GREM2: variants seen among roughly 807,000 people sequenced by gnomAD.
The protein encoded by GREM2 is gremlin 2, DAN family BMP antagonist.
In GREM2, 11 loss-of-function variants were observed where a neutral mutation model predicts 14.2. The ratio of observed to expected loss-of-function variants is 0.78; its 90% CI spans 0.49 to 1.28. The LOEUF (loss-of-function observed/expected upper bound fraction) is 1.28, where lower values mean the gene tolerates loss of function less well. GREM2 is among the 50% of genes most tolerant of loss of function. The pLI is 0.00. For missense variants in GREM2, 210 were observed against 218.5 expected, an observed-to-expected ratio of 0.96 and a Z score of 0.24; for synonymous variants, 98 against 97.6, an observed-to-expected ratio of 1.00 and a Z score of -0.02.
At position 240,542,213 on chromosome 1, in the gene GREM2, G is replaced by T. The variant is rs1035763420; in HGVS notation, c.-1-48737C>A. Among the ~76,000 whole-genome samples, 1 of 152,040 alleles carries T rather than the reference G, an allele frequency of 6.6e-6. No homozygotes were observed. Among genetic ancestry groups the T allele is most frequent in the Non-Finnish European group, 1.5e-5 (1 of 68,028 alleles). On this transcript the variant is annotated intron_variant, in intron 1 of 1. Transcript: ENST00000318160. The surrounding 1 kb of genome is among the most constrained non-coding windows in gnomAD (Gnocchi z 4.1). ...ACAGCATCAATATTGAGAAACCATA[G>T]ATTAGATGTGCTACCTGATCACATC...
chr1:240,589,457 A>G (rs1240454254), intron 1 of GREM2, among the ~76,000 whole-genome samples: 2 of 150,386 alleles, frequency 1.3e-5, no homozygotes, highest in South Asian at 2.1e-4. Context: ...AAAAAAAAAG[A>G]AAAAAAAGAA....
intron 1 of GREM2, among the ~76,000 whole-genome samples, chr1:240,577,883 T>C (rs913326903): frequency 3.3e-5 from 5 of 152,202 alleles, no homozygotes; most frequent in Non-Finnish European, 7.3e-5. Flanking sequence ...TTCTGGATAA[T>C]TGAACTACAT....
chr1:240,564,899 G>A (rs1679146246), intron 1 of GREM2, among the ~76,000 whole-genome samples: 1 of 152,214 alleles, frequency 6.6e-6, no homozygotes, highest in South Asian at 2.1e-4. Context: ...TGAGTATGAT[G>A]TATTGATGTG....
chr1:240,547,400 T>C (rs1481992268), intron 1 of GREM2, among the ~76,000 whole-genome samples: 1 of 150,350 alleles, frequency 6.7e-6, no homozygotes. Flanking sequence ...CTCAAGAGGC[T>C]GAGGCAGGAG....
At chr1:240,537,868 T>C (rs1417707963) in intron 1 of GREM2, among the ~76,000 whole-genome samples, 1 of 152,242 alleles carries the variant, frequency 6.6e-6, no homozygotes, top group Non-Finnish European at 1.5e-5. Flanking sequence ...AAATATAATA[T>C]ATTAATCATA....
chr1:240,513,872 GAAT>G (rs1306335413), intron 1 of GREM2, among the ~76,000 whole-genome samples: 1 of 152,128 alleles, frequency 6.6e-6, no homozygotes, highest in Non-Finnish European at 1.5e-5. Flanking sequence ...AGAATTACTG[GAAT>G]AATCTACAAA....
intron 1 of GREM2, among the ~76,000 whole-genome samples, chr1:240,541,564 A>G (rs754030443): frequency 2.0e-5 from 3 of 151,524 alleles, no homozygotes; most frequent in Non-Finnish European, 2.9e-5. Context: ...CTTTTGTGTC[A>G]ATTATGTTTC....
chr1:240,558,292 G>A (rs1162979691), intron 1 of GREM2, among the ~76,000 whole-genome samples: 1 of 152,046 alleles, frequency 6.6e-6, no homozygotes, highest in Admixed American at 6.6e-5. Flanking sequence ...TTGCCTTTGG[G>A]GGCTGAAAAT....
intron 1 of GREM2, among the ~76,000 whole-genome samples, chr1:240,545,926 C>A (rs939074487): frequency 6.6e-6 from 1 of 152,130 alleles, no homozygotes; most frequent in Non-Finnish European, 1.5e-5. Context: ...CCAAGTAATG[C>A]AGATTAGTTA....
At chr1:240,587,171 A>G (rs771760990) in intron 1 of GREM2, among the ~76,000 whole-genome samples, 11 of 152,176 alleles carry the variant, frequency 7.2e-5, no homozygotes, top group Non-Finnish European at 1.2e-4. Context: ...AATCACTAAG[A>G]AGCCTACCAC....
intron 1 of GREM2, among the ~76,000 whole-genome samples, chr1:240,524,542 T>G (rs981275718): frequency 4.6e-5 from 7 of 152,238 alleles, no homozygotes; most frequent in Admixed American, 6.5e-5. Context: ...AACTGACAAG[T>G]AATCTGTATA....
At chr1:240,571,121 G>C (rs1336914098) in intron 1 of GREM2, among the ~76,000 whole-genome samples, 1 of 152,066 alleles carries the variant, frequency 6.6e-6, no homozygotes, top group East Asian at 1.9e-4. Context: ...CATGCGAATA[G>C]TTTTTCTACT....
intron 1 of GREM2, among the ~76,000 whole-genome samples, chr1:240,510,911 A>T (rs1428802029): frequency 6.6e-6 from 1 of 152,122 alleles, no homozygotes; most frequent in Non-Finnish European, 1.5e-5. Context: ...TTTGTCTTTA[A>T]ATTAATTTTA....
At chr1:240,594,531 T>A (rs1468871958) in intron 1 of GREM2, among the ~76,000 whole-genome samples, 1 of 152,086 alleles carries the variant, frequency 6.6e-6, no homozygotes, top group Non-Finnish European at 1.5e-5. Flanking sequence ...CTTACATGGG[T>A]AGAACATTTG....
In GREM2 at chr1:240,491,274, C is replaced by G. The variant is rs1199239779; in HGVS notation, c.*1695G>C. 2.0e-5 allele frequency: 3 copies of G among 152,546 alleles called. No individual in the cohort carries two copies. Among genetic ancestry groups the G allele is most frequent in the Admixed American group, 2.0e-4 (3 of 15,284 alleles). The allele number at this position is 152,546 out of a possible 1,614,324, so 9.4% of individuals were successfully genotyped here. ...GAAGCTAAGTCCCCACAGCGGCTTG[C>G]AGAGGGTCTCTCTCACATACTAGGG... On this transcript the variant is annotated 3_prime_UTR_variant, in exon 2 of 2. Coordinates refer to ENST00000318160, the MANE Select transcript of GREM2 (RefSeq NM_022469.4).
chr1:240,528,135 C>T (rs1201467593), intron 1 of GREM2, among the ~76,000 whole-genome samples: 1 of 152,132 alleles, frequency 6.6e-6, no homozygotes, highest in Non-Finnish European at 1.5e-5. Context: ...GAATAGTAAA[C>T]TTCTTATTCC....
intron 1 of GREM2, chr1:240,531,740 C>T (rs896602527): frequency 6.3e-6 from 6 of 947,308 alleles, no homozygotes; most frequent in South Asian, 4.9e-5. Context: ...GACAGTTTTG[C>T]TCTTGTTGCC....
At chr1:240,581,990 T>A (rs188152470) in intron 1 of GREM2, among the ~76,000 whole-genome samples, 1 of 152,338 alleles carries the variant, frequency 6.6e-6, no homozygotes, top group Non-Finnish European at 1.5e-5. Context: ...TGAAGCCTCA[T>A]TAATGCACGA....
intron 1 of GREM2, among the ~76,000 whole-genome samples, chr1:240,525,543 A>G (rs1462970807): frequency 2.6e-5 from 4 of 152,018 alleles, no homozygotes; most frequent in East Asian, 3.9e-4. Flanking sequence ...GTGGCAACCA[A>G]TCTTGTCTCA....
Sources: allele counts gnomAD v4.1 joint callset (sites outside exome capture counted in the v4.1 genomes callset), GRCh38; gene constraint gnomAD v4.1.1; non-coding constraint Gnocchi (gnomAD v3.1); transcripts MANE v1.5; gene names NCBI Gene and HGNC (gene_info 2026-07-23, HGNC 2026-07-21).